PPP1R3A: variants seen among roughly 807,000 people sequenced by gnomAD.
The protein encoded by PPP1R3A is RG1.
A neutral mutation model predicts 41.7 loss-of-function variants in PPP1R3A; 29 were observed. The ratio of observed to expected loss-of-function variants is 0.70; its 90% CI spans 0.52 to 0.95. The LOEUF (loss-of-function observed/expected upper bound fraction) is 0.95. PPP1R3A is among the 40% of genes least tolerant of loss of function. PPP1R3A has a pLI of 0.00. For missense variants in PPP1R3A, 1,352 were observed against 1,292.4 expected, an observed-to-expected ratio of 1.05 and a Z score of -0.71; for synonymous variants, 485 against 453.4, an observed-to-expected ratio of 1.07 and a Z score of -0.89.
intron 1 of PPP1R3A, among the ~76,000 whole-genome samples, chr7:113,882,690 G>A (rs1439383548): frequency 6.6e-6 from 1 of 151,722 alleles, no homozygotes; most frequent in African/African-American, 2.4e-5. Context: ...TTTTTCTCAT[G>A]GCTTAATGAT....
At chr7:113,909,122 T>G (rs1797197871) in intron 1 of PPP1R3A, among the ~76,000 whole-genome samples, 1 of 151,818 alleles carries the variant, frequency 6.6e-6, no homozygotes, top group Admixed American at 6.6e-5. Context: ...CATGGACCCC[T>G]TGAATCTAAA....
intron 1 of PPP1R3A, among the ~76,000 whole-genome samples, chr7:113,900,858 T>G (rs768379656): frequency 6.6e-6 from 1 of 150,944 alleles, no homozygotes. Flanking sequence ...TTACATAAAC[T>G]TATCCAACTT....
chr7:113,896,938 T>TA (rs1161848934), intron 1 of PPP1R3A, among the ~76,000 whole-genome samples: 2 of 151,934 alleles, frequency 1.3e-5, no homozygotes, highest in African/African-American at 2.4e-5. Flanking sequence ...GAATCAAACT[T>TA]ACATTCCTGC....
chr7:113,885,885 A>C (rs1796776836), intron 1 of PPP1R3A, among the ~76,000 whole-genome samples: 1 of 148,416 alleles, frequency 6.7e-6, no homozygotes, highest in Non-Finnish European at 1.5e-5. Flanking sequence ...TTATATAAAT[A>C]TGTTAAATAT....
rs182918638 is a variant in PPP1R3A at position 113,880,655 on chromosome 7, A to G, written c.967-530T>C. ...AATGACCCTCTGCCAACTGGTACTC[A>G]AATGTATTTGAGCTCTTCAGTGATG... On this transcript the variant is annotated intron_variant, in intron 3 of 3. Transcript: ENST00000284601. Among the ~76,000 whole-genome samples the G allele has an allele frequency of 9.9e-5, 15 of 152,014 alleles. No homozygotes were observed. The East Asian group carries it at 2.9e-3, about 30-fold the overall frequency.
chr7:113,878,979 A>G lies in PPP1R3A; in HGVS notation c.2113T>C (p.Cys705Arg), dbSNP rs745688772. ...AGTTCACAGCACACTGTTTCTTGGC[A>G]GGTAAACAATTCTTCTGTAGTAGCT... The part of the protein sequence containing the change: ...LKATTEELFT[C>R]QETVCCELSS... The change falls in exon 4 of 4, where the codon TGC (cysteine) becomes CGC (arginine). Residue 705 changes from cysteine to arginine, a missense_variant. Transcript: ENST00000284601. 3.7e-6 allele frequency: 6 copies of G among 1,613,408 alleles called. No homozygotes were observed. Among genetic ancestry groups the G allele is most frequent in the Non-Finnish European group, 5.1e-6 (6 of 1,179,828 alleles).
intron 1 of PPP1R3A, among the ~76,000 whole-genome samples, chr7:113,912,644 G>A (rs1797270038): frequency 6.6e-6 from 1 of 152,102 alleles, no homozygotes; most frequent in Non-Finnish European, 1.5e-5. Flanking sequence ...CAGAAGTGGA[G>A]GAAGGTGAAA....
rs1185341915 is a variant in PPP1R3A, at chr7:113,877,005, T to G, written c.*718A>C. 1 of 151,952 alleles carries G rather than the reference T, an allele frequency of 6.6e-6. No homozygotes were observed. Among genetic ancestry groups the G allele is most frequent in the Non-Finnish European group, 1.5e-5 (1 of 67,924 alleles). 9.4% of individuals were successfully genotyped at this position (151,952 alleles called of 1,614,324 possible). Reference sequence around the variant, plus strand: ...TCCCTCACAAGAGAAAAGCATTGCTTAAAGACAGGCCACCCACAGAATTTT... The same window carrying G: ...TCCCTCACAAGAGAAAAGCATTGCTGAAAGACAGGCCACCCACAGAATTTT... On this transcript the variant is annotated 3_prime_UTR_variant, in exon 4 of 4. Transcript: ENST00000284601.
At chr7:113,906,094 G>A (rs146697819) in intron 1 of PPP1R3A, among the ~76,000 whole-genome samples, 1 of 151,760 alleles carries the variant, frequency 6.6e-6, no homozygotes, top group Non-Finnish European at 1.5e-5. Context: ...AGAGTATGCT[G>A]TAGCAGACTA....
chr7:113,913,071 C>T (rs1367353388), intron 1 of PPP1R3A, among the ~76,000 whole-genome samples: 1 of 152,076 alleles, frequency 6.6e-6, no homozygotes, highest in African/African-American at 2.4e-5. Flanking sequence ...CAAACACCCT[C>T]CTGATGGGCC....
intron 1 of PPP1R3A, among the ~76,000 whole-genome samples, chr7:113,889,656 G>T (rs1004739306): frequency 6.6e-6 from 1 of 152,026 alleles, no homozygotes; most frequent in Non-Finnish European, 1.5e-5. Flanking sequence ...TTTATGTGAC[G>T]ACTTCTAGTA....
chr7:113,886,769 A>G (rs141342835), intron 1 of PPP1R3A, among the ~76,000 whole-genome samples: 15 of 152,296 alleles, frequency 9.8e-5, no homozygotes, highest in African/African-American at 3.4e-4. Context: ...CATATGACCA[A>G]TTAGATCTAA....
rs759947514 is a variant in PPP1R3A, at chr7:113,918,611, A to T, written c.386T>A (p.Ile129Lys). 6.2e-7 allele frequency: 1 copy of T among 1,613,642 alleles called. No individual in the cohort carries two copies. Among genetic ancestry groups the T allele is most frequent in the Non-Finnish European group, 8.5e-7 (1 of 1,179,728 alleles). Residue 129 changes from isoleucine (I) to lysine (K), a missense_variant, in exon 1 of 4, where the codon ATA (isoleucine) becomes AAA (lysine). Ile to Lys is a moderately radical substitution (Grantham distance 102). Transcript: ENST00000284601. The stretch of plus-strand genomic sequence containing the variant: ...AAGAAGAGACTCAGTTGACTCCAGT[A>T]TTGCTTTCTGTATTTGGAGTTGTTG... The part of the protein sequence containing the change: ...LMQQLQIQKA[I>K]LESTESLLGS...
chr7:113,881,864 A>G (rs1796699773), intron 3 of PPP1R3A, among the ~76,000 whole-genome samples, 175 bp downstream of exon 3: 1 of 152,066 alleles, frequency 6.6e-6, no homozygotes, highest in Non-Finnish European at 1.5e-5. Flanking sequence ...ACCAGAAGCA[A>G]CATACAGAAA....
chr7:113,918,624 T>C lies in PPP1R3A; in HGVS notation c.373A>G (p.Ile125Val). 1.9e-6 allele frequency: 3 copies of C among 1,613,590 alleles called. No individual in the cohort carries two copies. The highest frequency in any genetic ancestry group is 2.5e-6 in the Non-Finnish European group (3 of 1,179,726). ...SKEDLMQQLQ[I>V]QKAILESTES... ...GTTGACTCCAGTATTGCTTTCTGTA[T>C]TTGGAGTTGTTGCATAAGATCTTCT... Residue 125 changes from isoleucine to valine, a missense_variant, in exon 1 of 4, where the codon ATA (isoleucine) becomes GTA (valine). By Grantham distance (29) the Ile-to-Val change is conservative. Coordinates refer to ENST00000284601, the MANE Select transcript of PPP1R3A (RefSeq NM_002711.4).
chr7:113,880,203 A>T, intron 3 of PPP1R3A, 78 bp from the exon 4 acceptor site: 1 of 1,274,722 alleles, frequency 7.8e-7, no homozygotes, highest in Non-Finnish European at 1.1e-6. Flanking sequence ...AGGTTTTATT[A>T]ACTCGGCTAG....
At chr7:113,895,658 A>G (rs1309978323) in intron 1 of PPP1R3A, among the ~76,000 whole-genome samples, 2 of 151,950 alleles carry the variant, frequency 1.3e-5, no homozygotes, top group African/African-American at 2.4e-5. Flanking sequence ...CATTTTACAA[A>G]CATATTTTCA....
intron 1 of PPP1R3A, among the ~76,000 whole-genome samples, chr7:113,902,579 A>G: frequency 6.6e-6 from 1 of 151,786 alleles, no homozygotes; most frequent in Admixed American, 6.6e-5. Flanking sequence ...CCTTCTTGCT[A>G]GTCTGCAAAC....
chr7:113,902,228 A>G (rs944360230), intron 1 of PPP1R3A, among the ~76,000 whole-genome samples: 1 of 151,746 alleles, frequency 6.6e-6, no homozygotes. Context: ...CCTGAACTCA[A>G]GTGATACTCC....
Sources: gnomAD v4.1 joint callset for allele counts (sites outside exome capture counted in the v4.1 genomes callset) on GRCh38, gnomAD v4.1.1 for gene constraint, MANE v1.5 for transcripts, NCBI Gene and HGNC (gene_info 2026-07-23, HGNC 2026-07-21) for gene names.